The following PUM2 variants were observed in gnomAD, a reference collection of about 807,000 sequenced individuals.
The protein encoded by PUM2 is pumilio RNA binding family member 2.
In PUM2, 57 loss-of-function variants were observed where a neutral mutation model predicts 124.5. The ratio of observed to expected loss-of-function variants is 0.46; its 90% confidence interval spans 0.37 to 0.57. The LOEUF is 0.57. Among genes scored for constraint, PUM2 ranks in the 20% least tolerant of loss-of-function variants. PUM2 has a pLI of 0.00. For missense variants in PUM2, 1,065 were observed against 1,290.6 expected (o/e 0.83, Z 2.68); for synonymous variants, 460 against 446.1 (o/e 1.03, Z -0.39).
chr2:20,255,968 T>C, intron 17 of PUM2, 65 bp downstream of exon 17: 1 of 1,422,808 alleles, frequency 7.0e-7, no homozygotes, highest in Non-Finnish European at 9.3e-7. Context: ...ATGAAAAACG[T>C]GTTGATATTC....
intron 13 of PUM2, among the ~76,000 whole-genome samples, chr2:20,274,957 C>CCAAAAAAAAAAAAAAAAA (rs1553368856): frequency 3.2e-5 from 1 of 31,428 alleles, no homozygotes; most frequent in African/African-American, 1.1e-4. Flanking sequence ...GAAGTATCTC[C>CCAAAAAAAAAAAAAAAAA]AAAAAAAAAA....
At chr2:20,290,926 A>G in intron 9 of PUM2, 136 bp from the exon 10 acceptor site, 1 of 703,446 alleles carries the variant, frequency 1.4e-6, no homozygotes, top group South Asian at 3.1e-5. Flanking sequence ...ATGTAGATTT[A>G]GCATGAAAAA....
chr2:20,273,010 A>C (rs1247405615), intron 13 of PUM2, among the ~76,000 whole-genome samples: 1 of 152,206 alleles, frequency 6.6e-6, no homozygotes, highest in Non-Finnish European at 1.5e-5. Flanking sequence ...TAACACTGCA[A>C]ATCTCTCATG....
At chr2:20,307,135 G>A (rs1349607120) in intron 7 of PUM2, among the ~76,000 whole-genome samples, 2 of 152,068 alleles carry the variant, frequency 1.3e-5, no homozygotes, top group Admixed American at 1.3e-4. Flanking sequence ...AGAATCTCTT[G>A]AACCCAGAAG....
At chr2:20,327,445 A>G (rs1393019419) in intron 1 of PUM2, 67 bp from the exon 2 acceptor site, 11 of 981,484 alleles carry the variant, frequency 1.1e-5, no homozygotes, top group African/African-American at 1.6e-5. Flanking sequence ...AACTATTTTT[A>G]TATTATATTG....
intron 14 of PUM2, among the ~76,000 whole-genome samples, chr2:20,261,625 G>A (rs1490528389): frequency 6.6e-6 from 1 of 151,862 alleles, no homozygotes; most frequent in Non-Finnish European, 1.5e-5. Context: ...CTCCATAGGT[G>A]TTGCTGCTAA....
chr2:20,251,292 T>A lies in PUM2; in HGVS notation c.*293A>T, dbSNP rs759594330. On this transcript the variant is annotated 3_prime_UTR_variant, in exon 21 of 21. Transcript: ENST00000361078. Reference sequence around the variant, plus strand: ...ACAAGGTAAAAATTTACAAAATATGTGACAGCTTTTTATTTTTGATACAGT... The same window carrying A: ...ACAAGGTAAAAATTTACAAAATATGAGACAGCTTTTTATTTTTGATACAGT... The A allele has an allele frequency of 4.6e-6, 1 of 219,196 alleles. No individual in the cohort carries two copies. The highest frequency in any genetic ancestry group is 9.0e-6 in the Non-Finnish European group (1 of 111,058). The allele number at this position is 219,196 out of a possible 1,614,324, so 13.6% of individuals were successfully genotyped here. A position where few individuals can be genotyped will look rare whatever the true frequency, so the allele number is the denominator to read the frequency against.
chr2:20,325,172 C>T (rs1174778808), intron 2 of PUM2, among the ~76,000 whole-genome samples: 1 of 152,168 alleles, frequency 6.6e-6, no homozygotes, highest in East Asian at 1.9e-4. Flanking sequence ...AACCCAGAGA[C>T]AGAAATCTCA....
intron 7 of PUM2, among the ~76,000 whole-genome samples, chr2:20,299,892 A>C (rs1459687141): frequency 2.0e-5 from 3 of 152,188 alleles, no homozygotes; most frequent in South Asian, 2.1e-4. Flanking sequence ...GTACATTTTA[A>C]AATTTTCTGG....
intron 2 of PUM2, among the ~76,000 whole-genome samples, chr2:20,321,636 G>C (rs1181763525): frequency 6.7e-6 from 1 of 149,132 alleles, no homozygotes; most frequent in South Asian, 2.1e-4. Flanking sequence ...AGTTAAAGAG[G>C]AAAAAAAAAG....
chr2:20,259,066 G>A (rs1558483036), intron 15 of PUM2, among the ~76,000 whole-genome samples: 1 of 152,062 alleles, frequency 6.6e-6, no homozygotes, highest in Non-Finnish European at 1.5e-5. Flanking sequence ...TATGATTGAG[G>A]AAAAAACTGT....
chr2:20,350,557 G>A (rs1393667120), intron 1 of PUM2, 40 bp downstream of exon 1: 6 of 985,450 alleles, frequency 6.1e-6, no homozygotes, highest in Non-Finnish European at 6.0e-6. Context: ...CCTCGACGGC[G>A]CCAAAGGACC....
At chr2:20,326,571 A>T (rs914497132) in intron 2 of PUM2, among the ~76,000 whole-genome samples, 1 of 152,266 alleles carries the variant, frequency 6.6e-6, no homozygotes, top group Non-Finnish European at 1.5e-5. Flanking sequence ...AAGAGTTTCC[A>T]TAATCAAAGT....
chr2:20,307,949 G>T, intron 7 of PUM2, 29 bp downstream of exon 7: 1 of 1,590,998 alleles, frequency 6.3e-7, no homozygotes, highest in South Asian at 1.1e-5. Flanking sequence ...ACAAGACTTT[G>T]GTCAAAATGA....
chr2:20,289,513 A>G (rs1407277974), intron 10 of PUM2, among the ~76,000 whole-genome samples: 1 of 152,198 alleles, frequency 6.6e-6, no homozygotes, highest in East Asian at 1.9e-4. Context: ...ATGACAGTAG[A>G]GTCCAGGAAG....
chr2:20,302,811 T>C (rs573252110), intron 7 of PUM2, among the ~76,000 whole-genome samples: 3 of 152,292 alleles, frequency 2.0e-5, no homozygotes, highest in Admixed American at 2.0e-4. Flanking sequence ...TCTGTTCAAA[T>C]TTGCAGAAAG....
chr2:20,343,251 G>A (rs1687580943), intron 1 of PUM2, among the ~76,000 whole-genome samples: 2 of 152,062 alleles, frequency 1.3e-5, no homozygotes, highest in Admixed American at 1.3e-4. Context: ...AAAATTAGCT[G>A]GGTGTACTGG....
intron 7 of PUM2, among the ~76,000 whole-genome samples, chr2:20,300,055 G>A (rs1050380497): frequency 2.0e-4 from 31 of 152,322 alleles, no homozygotes; most frequent in African/African-American, 6.7e-4. Flanking sequence ...TTCCTTAACA[G>A]ACTTAAGGTC....
intron 12 of PUM2, among the ~76,000 whole-genome samples, chr2:20,280,147 A>T: frequency 6.6e-6 from 1 of 152,110 alleles, no homozygotes; most frequent in Non-Finnish European, 1.5e-5. Context: ...CGGAAAACTT[A>T]ATTACGTTGG....
Sources: gnomAD v4.1 joint callset for allele counts (sites outside exome capture counted in the v4.1 genomes callset) on GRCh38, gnomAD v4.1.1 for gene constraint, MANE v1.5 for transcripts, NCBI Gene and HGNC (gene_info 2026-07-23, HGNC 2026-07-21) for gene names.